Variants in FRMD4A observed in about 807,000 individuals in gnomAD.
The protein encoded by FRMD4A is FERM domain-containing protein 4A.
Under a neutral mutation model 129.1 loss-of-function variants are expected in FRMD4A, and 29 were observed. The observed-to-expected ratio is 0.22, with a 90% CI of 0.17 to 0.31. The LOEUF is 0.31. Ranked by LOEUF, FRMD4A falls within the 10% of genes least tolerant of loss-of-function variation. The pLI, the probability that FRMD4A is intolerant of heterozygous loss-of-function variation, is 1.00. For missense variants in FRMD4A, 1,272 were observed against 1,375.8 expected, an observed-to-expected ratio of 0.92 and a Z score of 1.19; for synonymous variants, 634 against 571.6, an observed-to-expected ratio of 1.11 and a Z score of -1.56.
At chr10:13,760,731 CTG>C (rs1282742992) in intron 8 of FRMD4A, among the ~76,000 whole-genome samples, 1 of 152,172 alleles carries the variant, frequency 6.6e-6, no homozygotes, top group Non-Finnish European at 1.5e-5. Flanking sequence ...GAGGTACGAT[CTG>C]TGTTTCTTTT....
Position 14,177,552 on chromosome 10 carries a change from G to A in FRMD4A, c.45+152506C>T, listed in dbSNP as rs1315485851. ...TCTGGTACAATTGATTACCTGCCCC[G>A]CTGCCTCCTGGCCCTCTGTACTCTC... On this transcript the variant is annotated intron_variant, in intron 2 of 24. Transcript: ENST00000357447. Among the ~76,000 whole-genome samples the A allele has an allele frequency of 5.9e-5, 9 of 152,018 alleles. 1 individual carries two copies. The South Asian group carries it at 8.3e-4, about 14-fold the overall frequency.
chr10:14,215,512 A>C (rs1308310668), intron 2 of FRMD4A, among the ~76,000 whole-genome samples: 1 of 152,208 alleles, frequency 6.6e-6, no homozygotes, highest in Admixed American at 6.5e-5. Flanking sequence ...CATAAACTAA[A>C]ATAACGAAAG....
At chr10:14,112,914 A>T (rs917443741) in intron 2 of FRMD4A, among the ~76,000 whole-genome samples, 19 of 152,198 alleles carry the variant, frequency 1.2e-4, no homozygotes, top group South Asian at 4.1e-4. Context: ...TATTACAATT[A>T]CAGTGACAGA....
In FRMD4A at chr10:14,089,878, C is replaced by A. The variant is rs139824145; in HGVS notation, c.46-230966G>T. On this transcript the variant is annotated intron_variant, in intron 2 of 24. Transcript: ENST00000357447. The stretch of plus-strand genomic sequence containing the variant: ...CCTCTTTATAAACCCACGGATTGAA[C>A]CTCATGGGCCCACAAGTTCCTGATT... Among the ~76,000 whole-genome samples, 590 of 152,300 alleles carry A rather than the reference C, an allele frequency of 3.9e-3. 3 individuals carry two copies. The highest frequency in any genetic ancestry group is 0.013 in the African/African-American group (554 of 41,556).
intron 2 of FRMD4A, among the ~76,000 whole-genome samples, chr10:13,869,027 G>A (rs1016114479): frequency 1.3e-5 from 2 of 152,190 alleles, no homozygotes; most frequent in African/African-American, 2.4e-5. Flanking sequence ...CGTTTTACTT[G>A]CGGATCTTTG....
chr10:13,894,473 C>T (rs201031977), intron 2 of FRMD4A, among the ~76,000 whole-genome samples: 5 of 152,186 alleles, frequency 3.3e-5, no homozygotes, highest in African/African-American at 1.2e-4. Context: ...TCCAGGGCTC[C>T]GTATGTTCCA....
intron 2 of FRMD4A, among the ~76,000 whole-genome samples, chr10:14,329,742 G>A (rs955906939): frequency 2.6e-5 from 4 of 152,160 alleles, no homozygotes; most frequent in African/African-American, 4.8e-5. Context: ...AAGACAAGGG[G>A]GAAAGGATGC....
At chr10:14,087,921 C>T (rs565331404) in intron 2 of FRMD4A, among the ~76,000 whole-genome samples, 6 of 152,200 alleles carry the variant, frequency 3.9e-5, no homozygotes, top group South Asian at 2.1e-4. Flanking sequence ...CATGTTGCAG[C>T]GGCTTCTGCT....
At chr10:14,097,934 TATTACATATATTATATACAA>T (rs1311931926) in intron 2 of FRMD4A, among the ~76,000 whole-genome samples, 6 of 145,826 alleles carry the variant, frequency 4.1e-5, no homozygotes, top group African/African-American at 1.2e-4. Context: ...AAAAATTGTA[TATTACATATATTATATACAA>T]ATTATATATA....
intron 12 of FRMD4A, among the ~76,000 whole-genome samples, chr10:13,725,357 A>G (rs2089811521): frequency 6.6e-6 from 1 of 152,042 alleles, no homozygotes; most frequent in Non-Finnish European, 1.5e-5. Flanking sequence ...ACTTGGGGAG[A>G]TTCTTGGAGC....
chr10:14,291,160 G>T (rs1026130460), intron 2 of FRMD4A, among the ~76,000 whole-genome samples: 6 of 152,030 alleles, frequency 3.9e-5, no homozygotes, highest in Admixed American at 1.3e-4. Context: ...AAGAACATTT[G>T]CTTCTTTCTG....
chr10:13,857,024 T>G (rs1206740369), intron 3 of FRMD4A, among the ~76,000 whole-genome samples: 1 of 152,212 alleles, frequency 6.6e-6, no homozygotes, highest in Non-Finnish European at 1.5e-5. Context: ...GAGATCTCAC[T>G]CAATTTGATG....
chr10:13,654,310 G>A, intron 23 of FRMD4A, 106 bp downstream of exon 23: 1 of 811,792 alleles, frequency 1.2e-6, no homozygotes. Flanking sequence ...TCCCAGTGAT[G>A]AACCCTCATC....
At chr10:13,829,937 T>G (rs2093762969) in intron 3 of FRMD4A, among the ~76,000 whole-genome samples, 1 of 152,130 alleles carries the variant, frequency 6.6e-6, no homozygotes, top group Admixed American at 6.5e-5. Context: ...CAGGAAATGA[T>G]TTGCATGCAG....
intron 2 of FRMD4A, among the ~76,000 whole-genome samples, chr10:14,112,590 A>G (rs1246260720): frequency 6.6e-6 from 1 of 152,160 alleles, no homozygotes; most frequent in Non-Finnish European, 1.5e-5. Flanking sequence ...TAGTGGCGCC[A>G]TCTTGGCTCA....
At chr10:13,748,311 C>G (rs1437129264) in intron 8 of FRMD4A, among the ~76,000 whole-genome samples, 1 of 152,180 alleles carries the variant, frequency 6.6e-6, no homozygotes, top group Non-Finnish European at 1.5e-5. Flanking sequence ...CTTACGTTGA[C>G]CACATGCTGG....
chr10:14,177,336 A>AT (rs998734899), intron 2 of FRMD4A, among the ~76,000 whole-genome samples: 13 of 151,378 alleles, frequency 8.6e-5, no homozygotes, highest in South Asian at 2.1e-4. Flanking sequence ...TGCCCAGCTA[A>AT]TTTTTTTTGT....
At chr10:13,980,137 A>G (rs1385217714) in intron 2 of FRMD4A, among the ~76,000 whole-genome samples, 1 of 152,168 alleles carries the variant, frequency 6.6e-6, no homozygotes, top group Non-Finnish European at 1.5e-5. Flanking sequence ...CATTTTCTAG[A>G]CTGCATTTTT....
intron 15 of FRMD4A, among the ~76,000 whole-genome samples, chr10:13,678,783 A>C (rs1245699374): frequency 6.6e-6 from 1 of 152,206 alleles, no homozygotes; most frequent in Non-Finnish European, 1.5e-5. Context: ...TCTTTAAAAA[A>C]ATTTTTTTAA....
Sources: gnomAD v4.1 joint callset for allele counts (sites outside exome capture counted in the v4.1 genomes callset) on GRCh38, gnomAD v4.1.1 for gene constraint, MANE v1.5 for transcripts, NCBI Gene and HGNC (gene_info 2026-07-23, HGNC 2026-07-21) for gene names.